The following NAT1 variants were observed in gnomAD, a reference collection of about 807,000 sequenced individuals.
NAT1 encodes arylamine N-acetyltransferase 1.
For missense variants in NAT1, 400 were observed against 339.2 expected (o/e 1.18, Z -1.41); for synonymous variants, 144 against 122.6 (o/e 1.17, Z -1.16).
chr8:18,188,617 G>A (rs7464557), intron 2 of NAT1, among the ~76,000 whole-genome samples: 1 of 151,880 alleles, frequency 6.6e-6, no homozygotes, highest in African/African-American at 2.4e-5. Context: ...TTAATATAAA[G>A]TAAAAAATAG....
intron 2 of NAT1, among the ~76,000 whole-genome samples, chr8:18,179,143 T>C (rs998548535): frequency 3.3e-5 from 5 of 152,248 alleles, no homozygotes; most frequent in African/African-American, 1.2e-4. Context: ...GCACAGTATT[T>C]GCCTGATATT....
intron 2 of NAT1, among the ~76,000 whole-genome samples, chr8:18,185,512 A>C (rs1485868922): frequency 6.6e-6 from 1 of 151,980 alleles, no homozygotes; most frequent in Non-Finnish European, 1.5e-5. Flanking sequence ...TTTCAATCCT[A>C]TATTGTTGGT....
intron 2 of NAT1, among the ~76,000 whole-genome samples, chr8:18,220,077 T>C (rs1805129097): frequency 6.6e-6 from 1 of 152,210 alleles, no homozygotes. Context: ...CTTCTTTACA[T>C]ACTCAGTACA....
At chr8:18,183,688 C>G (rs1056805000) in intron 2 of NAT1, among the ~76,000 whole-genome samples, 1 of 152,124 alleles carries the variant, frequency 6.6e-6, no homozygotes, top group Non-Finnish European at 1.5e-5. Context: ...CACAATAAAC[C>G]TATGAAATCA....
In NAT1 at chr8:18,178,891, T is replaced by C. The variant is rs1177433514; in HGVS notation, n.92+8152T>C. Among the ~76,000 whole-genome samples the C allele has an allele frequency of 4.6e-5, 7 of 152,258 alleles. No individual in the cohort carries two copies. The East Asian group carries it at 7.7e-4, about 17-fold the overall frequency. ...TCAAGTCTAATACCACTTACTCCTC[T>C]AGATTTGTCTTTTCACCTTACGCTT... is the stretch of plus-strand genomic sequence containing the variant. On this transcript the variant is annotated intron_variant and non_coding_transcript_variant, in intron 2 of 4. Coordinates refer to the NAT1 transcript ENST00000517441.
At chr8:18,175,577 T>C (rs1021965678) in intron 2 of NAT1, among the ~76,000 whole-genome samples, 2 of 152,136 alleles carry the variant, frequency 1.3e-5, no homozygotes, top group Admixed American at 6.6e-5. Flanking sequence ...AGTATTCCAT[T>C]GTGTAATATA....
At position 18,205,066 on chromosome 8, in the gene NAT1, G is replaced by T. The variant is rs572442910; in HGVS notation, n.93-4715G>T. On this transcript the variant is annotated intron_variant and non_coding_transcript_variant, in intron 2 of 4. Coordinates refer to the NAT1 transcript ENST00000517441. The stretch of plus-strand genomic sequence containing the variant: ...ATCCACTGTGTTGAGGGGGGTCGAG[G>T]TACTCCCGGACCATTGGTCACTACA... 2.6e-5 allele frequency among the ~76,000 whole-genome samples: 4 copies of T among 152,258 alleles called. No individual in the cohort carries two copies. In the South Asian group the frequency reaches 8.3e-4, roughly 32 times the overall value.
chr8:18,189,686 A>G lies in NAT1; in HGVS notation n.92+18947A>G, dbSNP rs371598170. Among the ~76,000 whole-genome samples, 116 of 152,328 alleles carry G rather than the reference A, an allele frequency of 7.6e-4. 2 individuals are homozygous for G. The highest frequency in any genetic ancestry group is 3.4e-3 in the Middle Eastern group (1 of 294). ...GCCTTTTCTCTCCGAATTCCCTTGCAGTATGGGCTGGTTACACTGTGTTCC... is the reference window on the plus strand; with the variant it reads ...GCCTTTTCTCTCCGAATTCCCTTGCGGTATGGGCTGGTTACACTGTGTTCC... On this transcript the variant is annotated intron_variant and non_coding_transcript_variant, in intron 2 of 4. Coordinates refer to the NAT1 transcript ENST00000517441.
chr8:18,177,793 G>A (rs1802345504), intron 2 of NAT1, among the ~76,000 whole-genome samples: 1 of 152,090 alleles, frequency 6.6e-6, no homozygotes, highest in East Asian at 1.9e-4. Context: ...ATTAACATGT[G>A]TATCGTTGTC....
chr8:18,213,383 C>G (rs1307504629), intron 1 of NAT1, among the ~76,000 whole-genome samples: 1 of 152,060 alleles, frequency 6.6e-6, no homozygotes, highest in African/African-American at 2.4e-5. Flanking sequence ...AATAATTTAA[C>G]CAGAATATGT....
chr8:18,208,380 A>G (rs1017070190), upstream of NAT1, among the ~76,000 whole-genome samples: 1 of 152,246 alleles, frequency 6.6e-6, no homozygotes, highest in Non-Finnish European at 1.5e-5. Flanking sequence ...TCCTACATAG[A>G]GAAAACTCAA....
intron 2 of NAT1, among the ~76,000 whole-genome samples, chr8:18,190,435 A>T (rs1374487330): frequency 6.6e-6 from 1 of 152,228 alleles, no homozygotes; most frequent in South Asian, 2.1e-4. Context: ...CACTCTAGTG[A>T]TCATCTTTGA....
intron 2 of NAT1, among the ~76,000 whole-genome samples, chr8:18,189,263 A>G (rs1419072337): frequency 6.6e-6 from 1 of 152,012 alleles, no homozygotes; most frequent in Non-Finnish European, 1.5e-5. Flanking sequence ...ATTTTTTCCA[A>G]CTTTTCCCTC....
At chr8:18,210,729 G>A (rs949225798) in intron 1 of NAT1, among the ~76,000 whole-genome samples, 1 of 152,172 alleles carries the variant, frequency 6.6e-6, no homozygotes, top group African/African-American at 2.4e-5. Context: ...TGGATGTCCA[G>A]GAAGATTGAA....
At chr8:18,188,045 C>T (rs1802817002) in intron 2 of NAT1, among the ~76,000 whole-genome samples, 2 of 150,780 alleles carry the variant, frequency 1.3e-5, no homozygotes, top group Admixed American at 1.3e-4. Context: ...ATGTTGTCTT[C>T]TTCAAAAAAG....
At chr8:18,209,199 A>G (rs1453025300), upstream of NAT1, among the ~76,000 whole-genome samples, 4 of 152,230 alleles carry the variant, frequency 2.6e-5, no homozygotes, top group Non-Finnish European at 5.9e-5. Context: ...TTTCAAGTCT[A>G]TCTAGCCTGC....
chr8:18,206,364 C>G (rs535570928), upstream of NAT1, among the ~76,000 whole-genome samples: 1 of 152,150 alleles, frequency 6.6e-6, no homozygotes, highest in Non-Finnish European at 1.5e-5. Context: ...CCAGTCATCT[C>G]GGTCCCTTGG....
chr8:18,173,024 T>C (rs768860368), intron 2 of NAT1, among the ~76,000 whole-genome samples: 1 of 152,058 alleles, frequency 6.6e-6, no homozygotes, highest in Non-Finnish European at 1.5e-5. Flanking sequence ...GGACCTCTCT[T>C]CAGGGGCGAG....
At chr8:18,192,809 G>C (rs1327669041) in intron 2 of NAT1, among the ~76,000 whole-genome samples, 3 of 149,912 alleles carry the variant, frequency 2.0e-5, no homozygotes, top group Non-Finnish European at 4.4e-5. Context: ...ATGGACACAG[G>C]AAGGGGAACA....
Sources: gnomAD v4.1 joint callset for allele counts (sites outside exome capture counted in the v4.1 genomes callset) on GRCh38, gnomAD v4.1.1 for gene constraint, MANE v1.5 for transcripts, NCBI Gene and HGNC (gene_info 2026-07-23, HGNC 2026-07-21) for gene names.